Variants in MACROD2 observed in about 807,000 individuals in gnomAD.
The protein encoded by MACROD2 is ADP-ribose glycohydrolase MACROD2.
A neutral mutation model predicts 70.4 loss-of-function variants in MACROD2; 36 were observed. The ratio of observed to expected loss-of-function variants is 0.51; its 90% CI spans 0.39 to 0.68. The LOEUF (loss-of-function observed/expected upper bound fraction) is 0.68. Among genes scored for constraint, MACROD2 ranks in the 30% least tolerant of loss-of-function variants. The pLI is 0.00. For synonymous variants in MACROD2, 172 were observed against 178.8 expected (o/e 0.96, Z 0.30); for missense variants, 496 against 538.4 (o/e 0.92, Z 0.78).
chr20:15,024,176 C>T (rs2075211921), intron 5 of MACROD2, among the ~76,000 whole-genome samples: 1 of 152,080 alleles, frequency 6.6e-6, no homozygotes, highest in African/African-American at 2.4e-5. Context: ...CTCTGTAGAA[C>T]TAAGTTTAGT....
intron 3 of MACROD2, among the ~76,000 whole-genome samples, chr20:14,458,041 C>G (rs934679833): frequency 8.6e-5 from 13 of 151,520 alleles, no homozygotes; most frequent in African/African-American, 3.2e-4. Flanking sequence ...GCAGAGTTTG[C>G]AGTGAGCAGA....
chr20:15,537,802 C>T (rs2047897172), intron 8 of MACROD2, among the ~76,000 whole-genome samples: 1 of 152,114 alleles, frequency 6.6e-6, no homozygotes, highest in Admixed American at 6.6e-5. Context: ...ACAACTCTTA[C>T]AAATCTCATT....
chr20:14,028,559 C>G (rs1337683375), intron 2 of MACROD2, among the ~76,000 whole-genome samples: 5 of 152,186 alleles, frequency 3.3e-5, no homozygotes, highest in Non-Finnish European at 7.3e-5. Flanking sequence ...GTGTAGGCAA[C>G]CAAGGGAATC....
chr20:14,580,709 G>A (rs752829941), intron 4 of MACROD2, among the ~76,000 whole-genome samples: 14 of 152,170 alleles, frequency 9.2e-5, no homozygotes, highest in Non-Finnish European at 1.6e-4. Flanking sequence ...CGTGACCTTA[G>A]GACCTACTTT....
At chr20:14,988,294 G>T (rs771927833) in intron 5 of MACROD2, among the ~76,000 whole-genome samples, 5 of 145,350 alleles carry the variant, frequency 3.4e-5, no homozygotes, top group Non-Finnish European at 7.4e-5. Context: ...TACCTGGGAG[G>T]CAGAGGCTAC....
chr20:15,471,723 TCTC>T (rs1412690584), intron 7 of MACROD2, among the ~76,000 whole-genome samples: 2 of 152,160 alleles, frequency 1.3e-5, no homozygotes, highest in African/African-American at 2.4e-5. Context: ...TCCATTTCCT[TCTC>T]CTTCTTTTCT....
chr20:15,160,173 A>G (rs376563713), intron 5 of MACROD2, among the ~76,000 whole-genome samples: 13 of 152,106 alleles, frequency 8.5e-5, no homozygotes, highest in African/African-American at 3.1e-4. Flanking sequence ...GTTGAAAAAG[A>G]TGGGACGGTG....
At chr20:15,777,495 TTCCTTCCTTCCTTCTTTCCTTCCTTCC>T in intron 8 of MACROD2, among the ~76,000 whole-genome samples, 1 of 76,978 alleles carries the variant, frequency 1.3e-5, no homozygotes, top group African/African-American at 7.4e-5. Context: ...ATTCTTTTTT[TTCCTTCCTTCCTTCTTTCCTTCCTTCC>T]TTCCTTCCTT....
intron 4 of MACROD2, among the ~76,000 whole-genome samples, chr20:14,500,042 G>C (rs967286051): frequency 6.6e-6 from 1 of 152,190 alleles, no homozygotes; most frequent in African/African-American, 2.4e-5. Flanking sequence ...CCCAGAAGAG[G>C]TGACATGGGA....
At chr20:14,773,551 G>A (rs935957062) in intron 5 of MACROD2, among the ~76,000 whole-genome samples, 6 of 151,906 alleles carry the variant, frequency 3.9e-5, no homozygotes, top group African/African-American at 1.5e-4. Flanking sequence ...ACAAATGGGA[G>A]GATTTTCTTT....
At chr20:16,018,743 T>TC (rs1303918832) in intron 15 of MACROD2, among the ~76,000 whole-genome samples, 1 of 152,238 alleles carries the variant, frequency 6.6e-6, no homozygotes, top group Non-Finnish European at 1.5e-5. Flanking sequence ...ATCTTTTTTT[T>TC]CCACTGATTC....
intron 5 of MACROD2, 108 bp downstream of exon 5, chr20:14,685,067 T>C: frequency 1.2e-6 from 1 of 843,482 alleles, no homozygotes; most frequent in Non-Finnish European, 1.9e-6. Flanking sequence ...TAATTAAATG[T>C]GCTTGAGTTC....
At chr20:14,323,279 A>G (rs923873979) in intron 3 of MACROD2, 1 of 152,126 alleles carries the variant, frequency 6.6e-6, no homozygotes, top group African/African-American at 2.4e-5. Flanking sequence ...TTAATTTGCT[A>G]CAACAGCTCA....
intron 5 of MACROD2, among the ~76,000 whole-genome samples, chr20:14,818,882 G>A (rs1052602909): frequency 7.9e-6 from 1 of 126,724 alleles, no homozygotes; most frequent in African/African-American, 3.1e-5. Flanking sequence ...CTGCTGTGAT[G>A]GCAATGATAG....
intron 2 of MACROD2, among the ~76,000 whole-genome samples, chr20:14,023,282 G>C (rs994961266): frequency 6.6e-6 from 1 of 152,110 alleles, no homozygotes. Context: ...TAAGTTCCTT[G>C]TAGATTCTGG....
At chr20:15,009,456 C>T (rs2075064796) in intron 5 of MACROD2, among the ~76,000 whole-genome samples, 1 of 152,166 alleles carries the variant, frequency 6.6e-6, no homozygotes, top group South Asian at 2.1e-4. Flanking sequence ...GGGAAGCAAA[C>T]TCATCATCAC....
chr20:15,871,626 A>G (rs921485346), intron 9 of MACROD2, among the ~76,000 whole-genome samples: 1 of 152,220 alleles, frequency 6.6e-6, no homozygotes, highest in African/African-American at 2.4e-5. Flanking sequence ...GACCAGATTG[A>G]TTGGGACAGT....
intron 10 of MACROD2, among the ~76,000 whole-genome samples, chr20:15,932,020 G>A (rs1395571227): frequency 1.3e-5 from 2 of 152,114 alleles, no homozygotes; most frequent in South Asian, 2.1e-4. Flanking sequence ...GCAAGACAAC[G>A]TTAAGTGATT....
chr20:15,399,727 A>G (rs1187535177), intron 6 of MACROD2, among the ~76,000 whole-genome samples: 2 of 152,242 alleles, frequency 1.3e-5, no homozygotes, highest in African/African-American at 2.4e-5. Flanking sequence ...ACATAACACC[A>G]TCCCAGATTT....
Sources: allele counts gnomAD v4.1 joint callset (sites outside exome capture counted in the v4.1 genomes callset), GRCh38; gene constraint gnomAD v4.1.1; transcripts MANE v1.5; gene names NCBI Gene and HGNC (gene_info 2026-07-23, HGNC 2026-07-21).